Variants in ZSCAN25 observed in about 807,000 individuals in gnomAD.
ZSCAN25 encodes the protein zinc finger and SCAN domain-containing protein 25.
A neutral mutation model predicts 38.7 loss-of-function variants in ZSCAN25; 27 were observed. The observed-to-expected ratio is 0.70, with a 90% CI of 0.51 to 0.96. The LOEUF (loss-of-function observed/expected upper bound fraction) is 0.96. Ranked by LOEUF, ZSCAN25 falls within the 40% of genes least tolerant of loss-of-function variation. The probability of loss-of-function intolerance (pLI) is 0.00; values close to 1 mark genes in which losing one functional copy is unlikely to be tolerated. For synonymous variants in ZSCAN25, 273 were observed against 277.7 expected, an observed-to-expected ratio of 0.98 and a Z score of 0.17; for missense variants, 637 against 705.9, an observed-to-expected ratio of 0.90 and a Z score of 1.11.
At chr7:99,666,565 G>A in the ZSCAN25 span, 12 of 1,602,702 alleles carry the variant, frequency 7.5e-6, no homozygotes, top group Non-Finnish European at 8.5e-6. Context: ...AAGGGCTCAT[G>A]ACAGCTCAGA....
chr7:99,623,881 G>A (rs1277076465), intron 6 of ZSCAN25, among the ~76,000 whole-genome samples, 176 bp from the exon 7 acceptor site: 1 of 152,224 alleles, frequency 6.6e-6, no homozygotes, highest in Non-Finnish European at 1.5e-5. Flanking sequence ...TTAGTTGTTA[G>A]GGGCAAGCTG....
intron 3 of ZSCAN25, among the ~76,000 whole-genome samples, 173 bp from the exon 4 acceptor site, chr7:99,619,388 A>G (rs1806734931): frequency 6.6e-6 from 1 of 152,242 alleles, no homozygotes; most frequent in African/African-American, 2.4e-5. Context: ...TGTACCTAAT[A>G]GTTGCTTAGC....
intron 1 of ZSCAN25, among the ~76,000 whole-genome samples, chr7:99,617,817 G>T (rs1806601215): frequency 6.6e-6 from 1 of 152,200 alleles, no homozygotes; most frequent in Admixed American, 6.5e-5. Context: ...TTGTCAAATG[G>T]CAGAGATAAA....
At position 99,629,066 on chromosome 7, in the gene ZSCAN25, TGAGGTTGTTG is replaced by T. The variant is rs1336471833; in HGVS notation, c.806-123_806-114del. 3.0e-6 allele frequency: 4 copies of T among 1,319,352 alleles called. No homozygotes were observed. Among genetic ancestry groups the T allele is most frequent in the Non-Finnish European group, 4.1e-6 (4 of 976,400 alleles). The allele number at this position is 1,319,352 out of a possible 1,614,324, so 81.7% of individuals were successfully genotyped here. A position where few individuals can be genotyped will look rare whatever the true frequency, so the allele number is the denominator to read the frequency against. On this transcript the variant is annotated intron_variant, in intron 7 of 7. Coordinates refer to ENST00000394152, the MANE Select transcript of ZSCAN25 (RefSeq NM_145115.3). This position sits in a 1 kb window ranked among gnomAD's most constrained non-coding sequence, Gnocchi z 5.6. ...AAAAAGAAGTAAGGAAAGCCTGAGT[TGAGGTTGTTG>T]GTCAAAGGAAAAAAGAGAAGGAACC... is the stretch of plus-strand genomic sequence containing the variant.
At chr7:99,707,080 G>A in the ZSCAN25 span, among the ~76,000 whole-genome samples, 1 of 152,144 alleles carries the variant, frequency 6.6e-6, no homozygotes, top group Non-Finnish European at 1.5e-5. Flanking sequence ...GAGGGGCTTG[G>A]GAATTGAACT....
chr7:99,721,328 A>T, the ZSCAN25 span, among the ~76,000 whole-genome samples: 1 of 152,248 alleles, frequency 6.6e-6, no homozygotes, highest in Admixed American at 6.5e-5. Flanking sequence ...ACAGCAGAGC[A>T]TGGTTTCCCA....
chr7:99,663,234 C>T, the ZSCAN25 span: 1 of 1,056,368 alleles, frequency 9.5e-7, no homozygotes, highest in South Asian at 3.3e-5. Flanking sequence ...ATCTTTTATT[C>T]TTCTACCTTT....
the ZSCAN25 span, among the ~76,000 whole-genome samples, chr7:99,732,660 G>A: frequency 6.6e-6 from 1 of 152,146 alleles, no homozygotes; most frequent in Non-Finnish European, 1.5e-5. Flanking sequence ...GGATGAAGCA[G>A]AAAAGTTGAT....
the ZSCAN25 span, among the ~76,000 whole-genome samples, chr7:99,696,426 AG>A: frequency 2.4e-4 from 36 of 152,084 alleles, no homozygotes; most frequent in Non-Finnish European, 4.7e-4. Context: ...TCATTCATAG[AG>A]GGGTGTCAGA....
the ZSCAN25 span, among the ~76,000 whole-genome samples, chr7:99,692,398 T>G: frequency 6.6e-6 from 1 of 152,196 alleles, no homozygotes; most frequent in Non-Finnish European, 1.5e-5. Context: ...TTGAGGAGTA[T>G]CTTTGTGGTG....
the ZSCAN25 span, among the ~76,000 whole-genome samples, chr7:99,691,717 C>T: frequency 1.3e-5 from 2 of 151,896 alleles, no homozygotes; most frequent in South Asian, 4.2e-4. Context: ...GGATTGCAAC[C>T]CCTGCTTTTT....
At chr7:99,693,161 G>A in the ZSCAN25 span, among the ~76,000 whole-genome samples, 1 of 152,164 alleles carries the variant, frequency 6.6e-6, no homozygotes, top group African/African-American at 2.4e-5. Context: ...CTCAGCTGCA[G>A]GTCTTTTGGA....
At chr7:99,690,632 G>T in the ZSCAN25 span, among the ~76,000 whole-genome samples, 5 of 152,022 alleles carry the variant, frequency 3.3e-5, no homozygotes, top group African/African-American at 1.2e-4. Flanking sequence ...AGTGGGTGAA[G>T]GATATGAACA....
chr7:99,720,398 T>A, the ZSCAN25 span: 5 of 1,613,576 alleles, frequency 3.1e-6, no homozygotes, highest in Non-Finnish European at 4.2e-6. Flanking sequence ...CATAGGCTGT[T>A]GACAGTCATA....
chr7:99,700,250 T>C, the ZSCAN25 span, among the ~76,000 whole-genome samples: 1 of 152,332 alleles, frequency 6.6e-6, no homozygotes, highest in South Asian at 2.1e-4. Context: ...TGAGTTCATA[T>C]TCTATGGGGA....
At chr7:99,701,213 G>A in the ZSCAN25 span, among the ~76,000 whole-genome samples, 2 of 152,280 alleles carry the variant, frequency 1.3e-5, no homozygotes, top group East Asian at 1.9e-4. Context: ...GTCTGTCTTT[G>A]TGTGCCTGGC....
intron 5 of ZSCAN25, chr7:99,621,816 C>T (rs1806991855): frequency 2.8e-6 from 1 of 359,708 alleles, no homozygotes; most frequent in African/African-American, 2.1e-5. Flanking sequence ...CTTTTCTTTC[C>T]CTCAGATCCC....
the ZSCAN25 span, among the ~76,000 whole-genome samples, chr7:99,668,559 G>A: frequency 6.6e-6 from 1 of 152,224 alleles, no homozygotes; most frequent in African/African-American, 2.4e-5. Flanking sequence ...GGAATGGAAA[G>A]GGGTAATCAG....
chr7:99,733,555 G>T, the ZSCAN25 span, among the ~76,000 whole-genome samples: 25 of 152,298 alleles, frequency 1.6e-4, no homozygotes, highest in East Asian at 3.7e-3. Context: ...GGTATTGTCT[G>T]CCTGACTGCC....
Sources: gnomAD v4.1 joint callset for allele counts (sites outside exome capture counted in the v4.1 genomes callset) on GRCh38, gnomAD v4.1.1 for gene constraint, Gnocchi (gnomAD v3.1) non-coding constraint, MANE v1.5 for transcripts, NCBI Gene and HGNC (gene_info 2026-07-23, HGNC 2026-07-21) for gene names.